The following CCSER1 variants were observed in gnomAD, a reference collection of about 807,000 sequenced individuals.
The protein encoded by CCSER1 is serine-rich coiled-coil domain-containing protein 1.
In CCSER1, 41 loss-of-function variants were observed where a neutral mutation model predicts 82.0. The observed-to-expected ratio is 0.50, with a 90% CI of 0.39 to 0.65. CCSER1 has a LOEUF of 0.65. CCSER1 is among the 30% of genes least tolerant of loss of function. The pLI, the probability that CCSER1 is intolerant of heterozygous loss-of-function variation, is 0.00. For missense variants in CCSER1, 1,119 were observed against 1,064.2 expected, an observed-to-expected ratio of 1.05 and a Z score of -0.72; for synonymous variants, 414 against 383.9, an observed-to-expected ratio of 1.08 and a Z score of -0.92.
Position 90,835,305 on chromosome 4 carries a change from C to T in CCSER1, c.2094+19460C>T, listed in dbSNP as rs1365475178. On this transcript the variant is annotated intron_variant, in intron 8 of 10. Coordinates refer to ENST00000509176, the MANE Select transcript of CCSER1 (RefSeq NM_001145065.2). ...GAGATGACGCCACTGCACTCTAGCC[C>T]GGGCGACAGAGCCAAACTCCGTCTC... Among the ~76,000 whole-genome samples the T allele has an allele frequency of 9.9e-5, 15 of 151,812 alleles. 1 individual carries two copies. Among genetic ancestry groups the T allele is most frequent in the African/African-American group, 2.4e-5 (1 of 41,300 alleles).
intron 9 of CCSER1, among the ~76,000 whole-genome samples, chr4:90,997,293 T>C (rs540931357): frequency 3.2e-4 from 49 of 152,126 alleles, no homozygotes; most frequent in African/African-American, 1.2e-3. Context: ...CATCTTCACA[T>C]CCTTCCCTCT....
intron 10 of CCSER1, among the ~76,000 whole-genome samples, chr4:91,095,931 A>G (rs1033343774): frequency 1.3e-5 from 2 of 152,142 alleles, no homozygotes; most frequent in African/African-American, 4.8e-5. Context: ...TGCCACCTGG[A>G]GTATCCTTCA....
At chr4:90,837,766 T>G (rs1282305017) in intron 8 of CCSER1, among the ~76,000 whole-genome samples, 1 of 152,104 alleles carries the variant, frequency 6.6e-6, no homozygotes, top group Admixed American at 6.5e-5. Context: ...AGATAGCTGT[T>G]AGATATTTGG....
At chr4:90,707,502 T>G (rs1334059910) in intron 6 of CCSER1, among the ~76,000 whole-genome samples, 1 of 147,754 alleles carries the variant, frequency 6.8e-6, no homozygotes. Context: ...ATATCCAAAC[T>G]ATGAGGAAAT....
chr4:90,462,280 G>A (rs970702292), intron 4 of CCSER1, among the ~76,000 whole-genome samples: 51 of 152,198 alleles, frequency 3.4e-4, no homozygotes, highest in African/African-American at 7.7e-4. Flanking sequence ...AGTAATCAAC[G>A]TATGTGATTT....
Position 91,588,677 on chromosome 4 carries a change from G to A in CCSER1, c.2218-9895G>A, listed in dbSNP as rs149354252. On this transcript the variant is annotated intron_variant, in intron 10 of 10. Coordinates refer to ENST00000509176, the MANE Select transcript of CCSER1 (RefSeq NM_001145065.2). ...TGATGTTTTAAATTCTTTGAAGGAC[G>A]TTCAAGTAGTATTATGTTCACCAAA... 8.2e-4 allele frequency among the ~76,000 whole-genome samples: 124 copies of A among 151,704 alleles called. No individual in the cohort carries two copies. In the East Asian group the frequency reaches 9.1e-3, roughly 11 times the overall value.
At chr4:90,339,429 G>T (rs1017290578) in intron 3 of CCSER1, among the ~76,000 whole-genome samples, 1 of 151,910 alleles carries the variant, frequency 6.6e-6, no homozygotes, top group East Asian at 1.9e-4. Flanking sequence ...ATTATGTTAT[G>T]TCTGTTCTCA....
intron 9 of CCSER1, among the ~76,000 whole-genome samples, chr4:90,944,720 A>G (rs1732025760): frequency 6.6e-6 from 1 of 152,186 alleles, no homozygotes; most frequent in South Asian, 2.1e-4. Flanking sequence ...CATGCTGTTA[A>G]CATTTCCATA....
At chr4:90,722,194 C>T (rs1386749852) in intron 6 of CCSER1, among the ~76,000 whole-genome samples, 1 of 151,724 alleles carries the variant, frequency 6.6e-6, no homozygotes, top group Non-Finnish European at 1.5e-5. Flanking sequence ...AAATGAATGT[C>T]ATCTATGTCT....
At chr4:91,582,587 A>C (rs892069965) in intron 10 of CCSER1, among the ~76,000 whole-genome samples, 2 of 151,582 alleles carry the variant, frequency 1.3e-5, no homozygotes, top group Non-Finnish European at 3.0e-5. Flanking sequence ...TGTAGGAGTC[A>C]GATTTAACTA....
At chr4:90,465,209 A>G (rs1763461899) in intron 4 of CCSER1, among the ~76,000 whole-genome samples, 1 of 151,564 alleles carries the variant, frequency 6.6e-6, no homozygotes, top group African/African-American at 2.4e-5. Flanking sequence ...TGATCTGCCC[A>G]CCTCTGCCTC....
At chr4:91,404,788 A>T (rs1425957208) in intron 10 of CCSER1, among the ~76,000 whole-genome samples, 1 of 152,096 alleles carries the variant, frequency 6.6e-6, no homozygotes, top group Non-Finnish European at 1.5e-5. Context: ...GTTCTTTTAC[A>T]TTTGCTGAGG....
At chr4:90,185,009 TAGG>T (rs1175591071) in intron 1 of CCSER1, among the ~76,000 whole-genome samples, 1 of 152,060 alleles carries the variant, frequency 6.6e-6, no homozygotes, top group African/African-American at 2.4e-5. Flanking sequence ...ACCTAGGGAA[TAGG>T]AGTGAGGATA....
At chr4:91,258,187 A>G (rs1740841598) in intron 10 of CCSER1, among the ~76,000 whole-genome samples, 1 of 152,162 alleles carries the variant, frequency 6.6e-6, no homozygotes, top group African/African-American at 2.4e-5. Context: ...ATTTCGAGTC[A>G]GCTGAGTAGA....
chr4:91,424,001 CTTTTTTTTT>C (rs1167472932), intron 10 of CCSER1, among the ~76,000 whole-genome samples: 2 of 77,454 alleles, frequency 2.6e-5, no homozygotes, highest in Admixed American at 1.9e-4. Context: ...CTCAGCAGAT[CTTTTTTTTT>C]TTTTTTTTTT....
At chr4:90,953,888 AAT>A (rs1374710646) in intron 9 of CCSER1, among the ~76,000 whole-genome samples, 2 of 120,316 alleles carry the variant, frequency 1.7e-5, no homozygotes, top group African/African-American at 5.9e-5. Context: ...TAGCTTTTCC[AAT>A]AGTCTTTTTA....
chr4:91,459,044 A>G (rs1186494234), intron 10 of CCSER1, among the ~76,000 whole-genome samples: 1 of 152,110 alleles, frequency 6.6e-6, no homozygotes, highest in African/African-American at 2.4e-5. Context: ...TATGGGACAC[A>G]ATATATAATG....
intron 8 of CCSER1, among the ~76,000 whole-genome samples, chr4:90,827,270 T>C (rs1001666236): frequency 2.6e-5 from 4 of 152,206 alleles, no homozygotes; most frequent in Non-Finnish European, 4.4e-5. Flanking sequence ...GATGGGACTT[T>C]CATTTAGCAT....
chr4:90,160,799 A>AC (rs1729296489), intron 1 of CCSER1, among the ~76,000 whole-genome samples: 1 of 152,196 alleles, frequency 6.6e-6, no homozygotes, highest in Non-Finnish European at 1.5e-5. Flanking sequence ...GAAGCACTAA[A>AC]GAAAAAGTGA....
Sources: gnomAD v4.1 joint callset for allele counts (sites outside exome capture counted in the v4.1 genomes callset) on GRCh38, gnomAD v4.1.1 for gene constraint, MANE v1.5 for transcripts, NCBI Gene and HGNC (gene_info 2026-07-23, HGNC 2026-07-21) for gene names.